PUM2: variants seen among roughly 807,000 people sequenced by gnomAD.
PUM2 encodes pumilio homolog 2.
A neutral mutation model predicts 124.5 loss-of-function variants in PUM2; 57 were observed. That is an observed-to-expected ratio of 0.46 (90% confidence interval 0.37 to 0.57). The LOEUF (loss-of-function observed/expected upper bound fraction) is 0.57, where lower values mean the gene tolerates loss of function less well. Ranked by LOEUF, PUM2 falls within the 20% of genes least tolerant of loss-of-function variation. The pLI, the probability that PUM2 is intolerant of heterozygous loss-of-function variation, is 0.00. For synonymous variants in PUM2, 460 were observed against 446.1 expected (o/e 1.03, Z -0.39); for missense variants, 1,065 against 1,290.6 (o/e 0.83, Z 2.68).
In PUM2 at chr2:20,283,100, A is replaced by G; in HGVS notation, c.1567T>C (p.Phe523Leu). ...QPSTNLQSNSFYGSSSLTNSS... is the reference protein window; with the variant it reads ...QPSTNLQSNSLYGSSSLTNSS... ...TTAGTCAAAGAACTGCTTCCATAAA[A>G]TGAATTAGATTGCAGATTAGTGCTT... The change falls in exon 12 of 21, where the codon TTT becomes CTT. Residue 523 changes from phenylalanine to leucine, a missense_variant. By Grantham distance (22) the Phe-to-Leu change is conservative. Coordinates refer to ENST00000361078, the MANE Select transcript of PUM2 (RefSeq NM_015317.5). The G allele has an allele frequency of 6.2e-7, 1 of 1,614,134 alleles. No homozygotes were observed. Among genetic ancestry groups the G allele is most frequent in the Non-Finnish European group, 8.5e-7 (1 of 1,180,026 alleles).
rs1364706020 is a variant in PUM2, at chr2:20,283,121, T to C, written c.1546A>G (p.Thr516Ala). The C allele has an allele frequency of 3.7e-6, 6 of 1,614,040 alleles. No individual in the cohort carries two copies. The highest frequency in any genetic ancestry group is 5.1e-6 in the Non-Finnish European group (6 of 1,180,030). Residue 516 changes from threonine (T) to alanine (A), a missense_variant, in exon 12 of 21, where the codon ACT becomes GCT. Physicochemically the swap from Thr to Ala is moderately conservative, Grantham distance 58. Around this residue, in one of 3 missense-constraint regions of PUM2, gnomAD observed 968 missense variants for 1,159.8 expected, o/e 0.83. Transcript: ENST00000361078. ...PPQQQQQQPSTNLQSNSFYGS... is the reference protein window; with the variant it reads ...PPQQQQQQPSANLQSNSFYGS... ...TAAAATGAATTAGATTGCAGATTAG[T>C]GCTTGGCTGCTGTTGCTGCTGCTGT... is the stretch of plus-strand genomic sequence containing the variant.
In PUM2 at chr2:20,297,613, C is replaced by G; in HGVS notation, c.949G>C (p.Ala317Pro). Residue 317 changes from alanine to proline, a missense_variant, in exon 8 of 21, where the codon GCT becomes CCT. Physicochemically the swap from Ala to Pro is conservative, Grantham distance 27. Coordinates refer to ENST00000361078, the MANE Select transcript of PUM2 (RefSeq NM_015317.5). ...GTATACGGATCGGTCCCTGGAGGAG[C>G]AGCACTAATAATGTATGGATTTGGC... is the stretch of plus-strand genomic sequence containing the variant. Reference protein sequence around the residue: ...FVPNPYIISAAPPGTDPYTAA... With the variant: ...FVPNPYIISAPPPGTDPYTAA... 1 of 1,613,190 alleles carries G rather than the reference C, an allele frequency of 6.2e-7. No homozygotes were observed. The highest frequency in any genetic ancestry group is 8.5e-7 in the Non-Finnish European group (1 of 1,179,166).
At chr2:20,329,008 A>G (rs1453804567) in intron 1 of PUM2, among the ~76,000 whole-genome samples, 3 of 151,994 alleles carry the variant, frequency 2.0e-5, no homozygotes, top group African/African-American at 7.3e-5. Flanking sequence ...CGATTTTTAC[A>G]AGAAATTTAA....
intron 9 of PUM2, among the ~76,000 whole-genome samples, chr2:20,292,287 C>G (rs752627523): frequency 1.0e-3 from 155 of 149,636 alleles, no homozygotes; most frequent in Non-Finnish European, 3.4e-4. Context: ...CCATGGCTGA[C>G]AGTTGGTAGT....
intron 6 of PUM2, 29 bp from the exon 7 acceptor site, chr2:20,308,100 T>C (rs376365958): frequency 9.3e-5 from 148 of 1,583,644 alleles, no homozygotes; most frequent in Non-Finnish European, 1.2e-4. Flanking sequence ...AACACAAAGA[T>C]TAGTGTCAAA....
chr2:20,332,165 A>G (rs1685050918), intron 1 of PUM2, among the ~76,000 whole-genome samples: 2 of 152,136 alleles, frequency 1.3e-5, no homozygotes, highest in South Asian at 4.1e-4. Context: ...GCTCTCATTC[A>G]CTTTCTCTCT....
chr2:20,266,284 A>C (rs1172391180), intron 13 of PUM2, among the ~76,000 whole-genome samples: 1 of 152,080 alleles, frequency 6.6e-6, no homozygotes, highest in Admixed American at 6.5e-5. Context: ...CTCTACAAAA[A>C]ATACAAAAAT....
At chr2:20,294,063 G>A (rs1005429238) in intron 9 of PUM2, among the ~76,000 whole-genome samples, 2 of 152,024 alleles carry the variant, frequency 1.3e-5, no homozygotes, top group East Asian at 1.9e-4. Context: ...AAATATGAAG[G>A]AATAATTATT....
At chr2:20,255,372 A>T (rs1176979981) in intron 17 of PUM2, 31 bp from the exon 18 acceptor site, 1 of 1,587,334 alleles carries the variant, frequency 6.3e-7, no homozygotes, top group Admixed American at 1.7e-5. Context: ...TAAAATTTGT[A>T]TTCTCTGACA....
rs562331766 is a variant in PUM2, at chr2:20,312,449, T to C, written c.161-26A>G. 2.2e-4 allele frequency: 342 copies of C among 1,567,900 alleles called. 4 individuals carry two copies. In the South Asian group the frequency reaches 3.7e-3, roughly 17 times the overall value. On this transcript the variant is annotated intron_variant, in intron 3 of 20. Coordinates refer to ENST00000361078, the MANE Select transcript of PUM2 (RefSeq NM_015317.5). ...CTGTTTGGAAGAAAAAACACAATTA[T>C]ATACTTATACTTTTAAGTTAAACAA...
In PUM2 at chr2:20,307,964, G is replaced by A. The variant is rs571053984; in HGVS notation, c.883+14C>T. The A allele has an allele frequency of 6.2e-6, 10 of 1,608,452 alleles. No homozygotes were observed. The highest frequency in any genetic ancestry group is 3.4e-5 in the Admixed American group (2 of 59,554). ...ACAAGACTTTGGTCAAAATGAGAAC[G>A]TATGAAGACTCACCTATATGTGGCT... On this transcript the variant is annotated intron_variant, in intron 7 of 20. Transcript: ENST00000361078.
intron 3 of PUM2, among the ~76,000 whole-genome samples, chr2:20,315,064 T>C (rs982586666): frequency 1.2e-4 from 18 of 148,340 alleles, no homozygotes; most frequent in East Asian, 3.9e-4. Flanking sequence ...GTGCTTCTTT[T>C]TTTTTTTTTT....
chr2:20,266,550 GA>G (rs1667709154), intron 13 of PUM2, among the ~76,000 whole-genome samples: 1 of 150,542 alleles, frequency 6.6e-6, no homozygotes, highest in South Asian at 2.1e-4. Context: ...CTGAAAGGAC[GA>G]ACTATCACCA....
intron 1 of PUM2, among the ~76,000 whole-genome samples, chr2:20,336,484 G>A (rs893463048): frequency 6.6e-6 from 1 of 151,444 alleles, no homozygotes; most frequent in Non-Finnish European, 1.5e-5. Context: ...CAATGTGCCT[G>A]GCCTAAAAAG....
intron 1 of PUM2, among the ~76,000 whole-genome samples, chr2:20,337,922 TA>T (rs1465465589): frequency 1.3e-5 from 2 of 152,176 alleles, no homozygotes; most frequent in African/African-American, 4.8e-5. Context: ...ATTCTCACTA[TA>T]ATCCAGCAAA....
At chr2:20,339,727 A>T (rs1686858624) in intron 1 of PUM2, among the ~76,000 whole-genome samples, 1 of 152,120 alleles carries the variant, frequency 6.6e-6, no homozygotes, top group Admixed American at 6.5e-5. Flanking sequence ...TAAAAATATA[A>T]AACTTAGCCA....
rs771883277 is a variant in PUM2 at position 20,283,466 on chromosome 2, T to C, written c.1312A>G (p.Thr438Ala). The C allele has an allele frequency of 9.3e-6, 15 of 1,613,424 alleles. No individual in the cohort carries two copies. Among genetic ancestry groups the C allele is most frequent in the East Asian group, 4.5e-5 (2 of 44,890 alleles). Reference protein sequence around the residue: ...GMPGYQVLAPTAYYDQTGALV... With the variant: ...GMPGYQVLAPAAYYDQTGALV... The stretch of plus-strand genomic sequence containing the variant: ...GCACCAGTCTGATCATAATAGGCAG[T>C]TGGAGCTAGTACTTGATAGCCTAAA... Residue 438 changes from threonine to alanine, a missense_variant, in exon 11 of 21, where the codon ACT becomes GCT. By Grantham distance (58) the Thr-to-Ala change is moderately conservative. This residue lies in a region of PUM2 where 968 missense variants were observed against 1,159.8 expected (regional missense o/e 0.83). Coordinates refer to ENST00000361078, the MANE Select transcript of PUM2 (RefSeq NM_015317.5).
rs748291919 is a variant in PUM2, at chr2:20,308,525, T to G, written c.578A>C (p.Asn193Thr). ...PTEVVERLGP[N>T]TNPSEGLGPL... ...CCCCAGTCCTTCTGAGGGATTAGTA[T>G]TGGGGCCCAAGCGCTCAACTACTTC... Residue 193 changes from asparagine to threonine, a missense_variant, in exon 6 of 21, where the codon AAT becomes ACT. By Grantham distance (65) the Asn-to-Thr change is moderately conservative (BLOSUM62 0). Transcript: ENST00000361078. 3 of 1,614,054 alleles carry G rather than the reference T, an allele frequency of 1.9e-6. No individual in the cohort carries two copies. Among genetic ancestry groups the G allele is most frequent in the Non-Finnish European group, 1.7e-6 (2 of 1,179,882 alleles).
intron 1 of PUM2, among the ~76,000 whole-genome samples, chr2:20,329,802 T>G (rs1175602243): frequency 6.6e-6 from 1 of 152,202 alleles, no homozygotes. Context: ...TCTGATTTAG[T>G]TGGGTGTTAC....
Sources: gnomAD v4.1 joint callset for allele counts (sites outside exome capture counted in the v4.1 genomes callset) on GRCh38, gnomAD v4.1.1 for gene constraint, gnomAD v4.1.1 regional missense constraint, MANE v1.5 for transcripts, NCBI Gene and HGNC (gene_info 2026-07-23, HGNC 2026-07-21) for gene names.